NEO1: variants seen among roughly 807,000 people sequenced by gnomAD.
NEO1 encodes neogenin.
Under a neutral mutation model 159.7 loss-of-function variants are expected in NEO1, and 63 were observed. That is an observed-to-expected ratio of 0.39 (90% CI 0.32 to 0.49). The LOEUF is 0.49. Ranked by LOEUF, NEO1 falls within the 20% of genes least tolerant of loss-of-function variation. The pLI, the probability that NEO1 is intolerant of heterozygous loss-of-function variation, is 0.85. For missense variants in NEO1, 1,615 were observed against 1,831.0 expected (o/e 0.88, Z 2.15); for synonymous variants, 633 against 662.0 (o/e 0.96, Z 0.67).
At chr15:73,181,735 A>G (rs2035624653) in intron 7 of NEO1, among the ~76,000 whole-genome samples, 1 of 152,162 alleles carries the variant, frequency 6.6e-6, no homozygotes, top group Non-Finnish European at 1.5e-5. Context: ...ACACCTCCCC[A>G]GGTTCCACCT....
rs368621140 is a variant in NEO1, at chr15:73,298,394, G to A, written c.3948G>A (p.Ser1316=). The change falls in exon 27 of 29, where the codon TCG becomes TCA. Residue 1316 remains serine, a synonymous_variant. Coordinates refer to ENST00000261908, the MANE Select transcript of NEO1 (RefSeq NM_002499.4). ...TPSTDTMPAS[S]SQTCCTDHQD... ...GCACTGACACCATGCCAGCCTCTTC[G>A]TCTCAAACATGCTGCACTGATCACC... is the stretch of plus-strand genomic sequence containing the variant. The A allele has an allele frequency of 3.0e-5, 49 of 1,614,188 alleles. No homozygotes were observed. The African/African-American group carries it at 3.3e-4, about 11-fold the overall frequency.
At chr15:73,198,399 T>G (rs1410101735) in intron 7 of NEO1, among the ~76,000 whole-genome samples, 1 of 152,190 alleles carries the variant, frequency 6.6e-6, no homozygotes, top group Non-Finnish European at 1.5e-5. Context: ...ATTCAAAACT[T>G]TGTATGTCTG....
Position 73,236,497 on chromosome 15 carries a change from G to A in NEO1, c.1442G>A (p.Gly481Glu), listed in dbSNP as rs1358957027. ...TACTCTGTGTTCTACACCAAGGAAGGGATTGCTAGGTAAGTGCCTGTGTGT... is the reference window on the plus strand; with the variant it reads ...TACTCTGTGTTCTACACCAAGGAAGAGATTGCTAGGTAAGTGCCTGTGTGT... ...LTYSVFYTKE[G>E]IARERVENTS... Residue 481 changes from glycine to glutamate, a missense_variant, in exon 8 of 29, where the codon GGG becomes GAG. Physicochemically the swap from Gly to Glu is moderately conservative, Grantham distance 98 (BLOSUM62 -2). This residue lies in a region of NEO1 where 1,018 missense variants were observed against 1,115.4 expected (regional missense o/e 0.91). Coordinates refer to ENST00000261908, the MANE Select transcript of NEO1 (RefSeq NM_002499.4). The A allele has an allele frequency of 6.2e-7, 1 of 1,613,914 alleles. No individual in the cohort carries two copies. Among genetic ancestry groups the A allele is most frequent in the Non-Finnish European group, 8.5e-7 (1 of 1,179,882 alleles).
chr15:73,299,660 T>C (rs2042535176), intron 27 of NEO1, among the ~76,000 whole-genome samples: 2 of 152,322 alleles, frequency 1.3e-5, no homozygotes, highest in South Asian at 2.1e-4. Context: ...GCTGGGAATA[T>C]AGGCGTGAGC....
At chr15:73,163,551 A>C (rs765412007) in intron 5 of NEO1, among the ~76,000 whole-genome samples, 66 of 152,146 alleles carry the variant, frequency 4.3e-4, no homozygotes, top group Non-Finnish European at 6.6e-4. Context: ...TACTGTATTT[A>C]AATTTCTCTC....
chr15:73,140,730 C>A (rs746599415), intron 5 of NEO1, among the ~76,000 whole-genome samples: 31 of 152,084 alleles, frequency 2.0e-4, no homozygotes, highest in Non-Finnish European at 1.0e-4. Flanking sequence ...GAGTAGTCTT[C>A]CAGTCATACA....
chr15:73,202,303 T>A (rs2152059423), intron 7 of NEO1, among the ~76,000 whole-genome samples: 1 of 152,292 alleles, frequency 6.6e-6, no homozygotes, highest in East Asian at 1.9e-4. Flanking sequence ...TGTGGCTTTT[T>A]AATGAAAGGG....
At chr15:73,288,625 G>A in intron 24 of NEO1, 74 bp downstream of exon 24, 1 of 1,342,700 alleles carries the variant, frequency 7.4e-7, no homozygotes, top group South Asian at 1.3e-5. Context: ...TTTTTTCCCT[G>A]AGTTTGCCTT....
chr15:73,065,728 G>A (rs1041666700), intron 1 of NEO1, among the ~76,000 whole-genome samples: 1 of 152,158 alleles, frequency 6.6e-6, no homozygotes, highest in Non-Finnish European at 1.5e-5. Context: ...GTATGTGTGG[G>A]CTGATCACTT....
intron 7 of NEO1, among the ~76,000 whole-genome samples, chr15:73,211,359 A>T (rs1320329470): frequency 6.6e-6 from 1 of 152,210 alleles, no homozygotes; most frequent in Non-Finnish European, 1.5e-5. Flanking sequence ...CCATTTATGA[A>T]CAGGCAGAAG....
At chr15:73,267,634 C>T (rs943565004) in intron 16 of NEO1, among the ~76,000 whole-genome samples, 13 of 149,322 alleles carry the variant, frequency 8.7e-5, no homozygotes, top group Admixed American at 5.4e-4. Context: ...TGAGAACATG[C>T]GGTGTTTGGT....
At chr15:73,056,157 C>T (rs919315810) in intron 1 of NEO1, among the ~76,000 whole-genome samples, 1 of 152,222 alleles carries the variant, frequency 6.6e-6, no homozygotes, top group Non-Finnish European at 1.5e-5. Context: ...CCTCTGTTCT[C>T]CCAAACCCAA....
rs150167202 is a variant in NEO1, at chr15:73,075,072, G to A, written c.130+22267G>A. On this transcript the variant is annotated intron_variant, in intron 1 of 28. Coordinates refer to ENST00000261908, the MANE Select transcript of NEO1 (RefSeq NM_002499.4). The stretch of plus-strand genomic sequence containing the variant: ...TTAATTTATTTTTCTGCTTTTATAG[G>A]TGAAAAAAGTGAGGCTTAGATTCAT... Among the ~76,000 whole-genome samples the A allele has an allele frequency of 1.2e-3, 181 of 152,198 alleles. 1 individual carries two copies. Among genetic ancestry groups the A allele is most frequent in the African/African-American group, 4.2e-3 (175 of 41,528 alleles).
intron 26 of NEO1, among the ~76,000 whole-genome samples, chr15:73,296,362 G>A (rs891219172): frequency 6.6e-6 from 1 of 152,082 alleles, no homozygotes; most frequent in African/African-American, 2.4e-5. Context: ...CAGCTCCCCC[G>A]CCGTGGGGAT....
chr15:73,177,554 T>C (rs1256866974), intron 6 of NEO1, among the ~76,000 whole-genome samples: 2 of 152,126 alleles, frequency 1.3e-5, no homozygotes, highest in African/African-American at 4.8e-5. Context: ...TAAAAATTTT[T>C]TTTGTTTTTT....
rs769006214 is a variant in NEO1, at chr15:73,116,711, G to A, written c.302G>A (p.Arg101His). 15 of 1,613,754 alleles carry A rather than the reference G, an allele frequency of 9.3e-6. No individual in the cohort carries two copies. The highest frequency in any genetic ancestry group is 5.0e-5 in the Admixed American group (3 of 59,956). Residue 101 changes from arginine to histidine, a missense_variant, in exon 2 of 29, where the codon CGC becomes CAC. Transcript: ENST00000261908. ...TTAAACTTAGTATCAGATGATCGAC[G>A]CCAGCTTCTCCCGGATGGATCTTTA... ...TFLNLVSDDRRQLLPDGSLFI... is the reference protein window; with the variant it reads ...TFLNLVSDDRHQLLPDGSLFI...
intron 7 of NEO1, among the ~76,000 whole-genome samples, chr15:73,223,159 C>T (rs1207656341): frequency 1.3e-5 from 2 of 152,112 alleles, no homozygotes; most frequent in Non-Finnish European, 2.9e-5. Flanking sequence ...TGAGAGAGTG[C>T]TTGATATAAT....
chr15:73,196,046 C>A lies in NEO1; in HGVS notation c.1291+17619C>A, dbSNP rs975350709. On this transcript the variant is annotated intron_variant, in intron 7 of 28. Transcript: ENST00000261908. ...TTTATTGGACTGAATGGGTAATGAG[C>A]AGAAATACCTTTCTGCTTTTTGTCT... Among the ~76,000 whole-genome samples the A allele has an allele frequency of 7.9e-5, 12 of 152,216 alleles. No homozygotes were observed. In the South Asian group the frequency reaches 2.5e-3, roughly 32 times the overall value.
At chr15:73,107,527 C>T (rs925983385) in intron 1 of NEO1, among the ~76,000 whole-genome samples, 2 of 152,014 alleles carry the variant, frequency 1.3e-5, no homozygotes, top group African/African-American at 2.4e-5. Flanking sequence ...AGTATCATTG[C>T]CCATCATAGA....
Sources: allele counts gnomAD v4.1 joint callset (sites outside exome capture counted in the v4.1 genomes callset), GRCh38; gene constraint gnomAD v4.1.1; regional missense constraint gnomAD v4.1.1; transcripts MANE v1.5; gene names NCBI Gene and HGNC (gene_info 2026-07-23, HGNC 2026-07-21).